MROH9: variants seen among roughly 807,000 people sequenced by gnomAD.
MROH9 encodes the protein maestro heat-like repeat-containing protein family member 9.
MROH9 carries 92 observed loss-of-function variants against 98.2 expected under a neutral mutation model. That is an observed-to-expected ratio of 0.94 (90% CI 0.79 to 1.11). The LOEUF (loss-of-function observed/expected upper bound fraction) is 1.11, where lower values mean the gene tolerates loss of function less well. Ranked by LOEUF, MROH9 falls within the 50% of genes most tolerant of loss-of-function variation. The pLI, the probability that MROH9 is intolerant of heterozygous loss-of-function variation, is 0.00. For missense variants in MROH9, 1,057 were observed against 1,014.8 expected (o/e 1.04, Z -0.57); for synonymous variants, 397 against 368.9 (o/e 1.08, Z -0.87).
intron 8 of MROH9, among the ~76,000 whole-genome samples, chr1:170,973,136 C>G (rs1253716420): frequency 6.6e-6 from 1 of 152,078 alleles, no homozygotes; most frequent in Admixed American, 6.6e-5. Flanking sequence ...CACACACGCA[C>G]GCACAAACCC....
At chr1:171,047,462 T>C (rs1324897316) in intron 20 of MROH9, among the ~76,000 whole-genome samples, 3 of 152,266 alleles carry the variant, frequency 2.0e-5, no homozygotes, top group African/African-American at 7.2e-5. Context: ...TTCTACAGTA[T>C]GCTTATTGCA....
In MROH9 at chr1:171,037,499, A is replaced by G. The variant is rs985641927; in HGVS notation, c.2281+12079A>G. On this transcript the variant is annotated intron_variant, in intron 20 of 21. Coordinates refer to ENST00000367759, the MANE Select transcript of MROH9 (RefSeq NM_001163629.2). The stretch of plus-strand genomic sequence containing the variant: ...AGGTATAAACCCTATTTTAGGAAAA[A>G]AAAGAATAAAAATTTTAAAAGTGTC... Among the ~76,000 whole-genome samples, 279 of 152,188 alleles carry G rather than the reference A, an allele frequency of 1.8e-3. 2 individuals are homozygous for G. Among genetic ancestry groups the G allele is most frequent in the Non-Finnish European group, 2.9e-3 (198 of 67,908 alleles).
At chr1:170,973,843 C>T (rs1650577916) in intron 8 of MROH9, among the ~76,000 whole-genome samples, 1 of 152,104 alleles carries the variant, frequency 6.6e-6, no homozygotes, top group South Asian at 2.1e-4. Context: ...CCACTGTACT[C>T]CAGCCTGGGC....
chr1:170,988,251 C>T (rs1336093818), intron 10 of MROH9, among the ~76,000 whole-genome samples: 18 of 152,154 alleles, frequency 1.2e-4, no homozygotes, highest in Admixed American at 9.2e-4. Context: ...CCTCTCCTGA[C>T]ACAGGAGTGC....
At chr1:171,016,358 G>C (rs762723853) in intron 17 of MROH9, 22 bp downstream of exon 17, 49 of 1,432,640 alleles carry the variant, frequency 3.4e-5, no homozygotes, top group Middle Eastern at 1.8e-4. Context: ...AGTTAGATAT[G>C]TGAGATCATT....
At chr1:170,983,596 A>G in intron 9 of MROH9, 62 bp downstream of exon 9, 2 of 938,260 alleles carry the variant, frequency 2.1e-6, no homozygotes, top group Non-Finnish European at 3.3e-6. Flanking sequence ...TCTTAGTAAC[A>G]ATTTATTTCA....
At chr1:170,999,695 T>C (rs1022299191) in intron 15 of MROH9, among the ~76,000 whole-genome samples, 1 of 152,130 alleles carries the variant, frequency 6.6e-6, no homozygotes, top group Admixed American at 6.6e-5. Flanking sequence ...AGATATCCAG[T>C]AGTGAGATTG....
At chr1:171,058,347 A>C (rs1326704191) in intron 20 of MROH9, among the ~76,000 whole-genome samples, 3 of 122,368 alleles carry the variant, frequency 2.5e-5, no homozygotes, top group Non-Finnish European at 4.7e-5. Flanking sequence ...GAGAGGATGC[A>C]AAAAAAAAAA....
intron 5 of MROH9, among the ~76,000 whole-genome samples, chr1:170,959,977 T>A (rs371647862): frequency 1.3e-5 from 2 of 152,222 alleles, no homozygotes; most frequent in African/African-American, 4.8e-5. Flanking sequence ...TACAGTGAAC[T>A]TGCTCTATAA....
chr1:170,955,634 A>G (rs1013887188), intron 3 of MROH9, among the ~76,000 whole-genome samples: 2 of 151,576 alleles, frequency 1.3e-5, no homozygotes, highest in African/African-American at 2.4e-5. Context: ...AGAATTGTCT[A>G]CTCATGTCTT....
chr1:170,971,762 T>C lies in MROH9; in HGVS notation c.495T>C (p.Ala165=). Residue 165 remains alanine (A), a synonymous_variant, in exon 8 of 22, where the codon GCT becomes GCC. Transcript: ENST00000367759. ...TTCTCCATTAGATAAGTGTTGATGC[T>C]CCATGTTTGGGTCTCCTGGCAGCAG... ...TKVRKYISVD[A]PCLGLLAAEL... is the part of the protein sequence containing the mutation. The C allele has an allele frequency of 1.2e-6, 2 of 1,614,098 alleles. No homozygotes were observed. The highest frequency in any genetic ancestry group is 3.3e-5 in the Admixed American group (2 of 60,018).
chr1:170,989,797 G>A (rs1277968982), intron 10 of MROH9, 58 bp from the exon 11 acceptor site: 5 of 1,512,362 alleles, frequency 3.3e-6, no homozygotes, highest in African/African-American at 2.8e-5. Flanking sequence ...AAATGCCTTG[G>A]TTTAGAGGTG....
chr1:170,969,960 G>A (rs1345685491), intron 7 of MROH9, among the ~76,000 whole-genome samples: 1 of 152,100 alleles, frequency 6.6e-6, no homozygotes, highest in Non-Finnish European at 1.5e-5. Context: ...GATCCACGCT[G>A]CCTTACTCCT....
chr1:171,018,166 T>C (rs975564829), intron 17 of MROH9, among the ~76,000 whole-genome samples: 1 of 151,472 alleles, frequency 6.6e-6, no homozygotes, highest in African/African-American at 2.4e-5. Flanking sequence ...TTGGTGCCCC[T>C]CGAGATCCCA....
At chr1:171,047,590 C>T (rs1653507807) in intron 20 of MROH9, among the ~76,000 whole-genome samples, 1 of 152,142 alleles carries the variant, frequency 6.6e-6, no homozygotes, top group African/African-American at 2.4e-5. Context: ...TTTGAGTTTA[C>T]TCAACACAGC....
intron 1 of MROH9, 88 bp downstream of exon 1, chr1:170,935,675 A>C (rs894218773): frequency 1.3e-5 from 2 of 152,070 alleles, no homozygotes; most frequent in Non-Finnish European, 2.9e-5. Context: ...TTGTTCTGTT[A>C]AGAAAAAGAA....
At chr1:171,019,671 T>C (rs772501013) in intron 17 of MROH9, among the ~76,000 whole-genome samples, 28 of 144,474 alleles carry the variant, frequency 1.9e-4, no homozygotes, top group Admixed American at 1.4e-4. Flanking sequence ...ATGCTAGAAA[T>C]ATCTCAAATC....
chr1:171,050,908 T>A (rs1224049926), intron 20 of MROH9, among the ~76,000 whole-genome samples: 2 of 152,214 alleles, frequency 1.3e-5, no homozygotes, highest in Non-Finnish European at 2.9e-5. Context: ...TTTTCTACAT[T>A]TATTGCGATG....
rs72710526 is a variant in MROH9 at position 170,946,223 on chromosome 1, C to G, written c.25+642C>G. On this transcript the variant is annotated intron_variant, in intron 2 of 21. Transcript: ENST00000367759. ...ATCTTGTATTTTTTTCATGATGAGACAGGCAGGCATTCACTCTGTAATATT... is the reference window on the plus strand; with the variant it reads ...ATCTTGTATTTTTTTCATGATGAGAGAGGCAGGCATTCACTCTGTAATATT... Among the ~76,000 whole-genome samples, 1,324 of 151,856 alleles carry G rather than the reference C, an allele frequency of 8.7e-3. 8 individuals are homozygous for G. The highest frequency in any genetic ancestry group is 0.014 in the Non-Finnish European group (943 of 67,856).
Sources: allele counts gnomAD v4.1 joint callset (sites outside exome capture counted in the v4.1 genomes callset), GRCh38; gene constraint gnomAD v4.1.1; transcripts MANE v1.5; gene names NCBI Gene and HGNC (gene_info 2026-07-23, HGNC 2026-07-21).